The following MAML2 variants were observed in gnomAD, a reference collection of about 807,000 sequenced individuals.
MAML2 encodes the protein mastermind-like protein 2.
Under a neutral mutation model 96.1 loss-of-function variants are expected in MAML2, and 22 were observed. That is an observed-to-expected ratio of 0.23 (90% CI 0.16 to 0.33). MAML2 has a LOEUF of 0.33. MAML2 is among the 10% of genes least tolerant of loss of function. The pLI, the probability that MAML2 is intolerant of heterozygous loss-of-function variation, is 1.00. For missense variants in MAML2, 1,367 were observed against 1,392.4 expected, an observed-to-expected ratio of 0.98 and a Z score of 0.29; for synonymous variants, 561 against 521.3, an observed-to-expected ratio of 1.08 and a Z score of -1.04.
intron 1 of MAML2, among the ~76,000 whole-genome samples, chr11:96,236,117 T>G (rs1212400653): frequency 2.0e-5 from 3 of 152,232 alleles, no homozygotes; most frequent in African/African-American, 7.2e-5. Flanking sequence ...GAAACTTTCT[T>G]TTTTCAATAG....
chr11:96,264,703 A>G (rs1862802407), intron 1 of MAML2, among the ~76,000 whole-genome samples: 1 of 152,192 alleles, frequency 6.6e-6, no homozygotes, highest in Non-Finnish European at 1.5e-5. Context: ...AAGCATTACA[A>G]ATTGTACTAA....
At chr11:96,203,046 A>C (rs771887925) in intron 1 of MAML2, among the ~76,000 whole-genome samples, 12 of 152,238 alleles carry the variant, frequency 7.9e-5, no homozygotes, top group Non-Finnish European at 1.0e-4. Flanking sequence ...TTGCCTTTTA[A>C]AATCATTTAT....
intron 2 of MAML2, among the ~76,000 whole-genome samples, chr11:96,033,884 C>T (rs1858657784): frequency 6.6e-6 from 1 of 152,070 alleles, no homozygotes; most frequent in South Asian, 2.1e-4. Flanking sequence ...CGGCAGGTTT[C>T]CAATTGTGTT....
chr11:96,302,945 A>G (rs1863409586), intron 1 of MAML2, among the ~76,000 whole-genome samples: 1 of 152,224 alleles, frequency 6.6e-6, no homozygotes, highest in Non-Finnish European at 1.5e-5. Flanking sequence ...TACAGCGATT[A>G]TGATTATTTT....
intron 1 of MAML2, among the ~76,000 whole-genome samples, chr11:96,339,562 G>A (rs1333218209): frequency 1.3e-5 from 2 of 152,142 alleles, no homozygotes; most frequent in Non-Finnish European, 2.9e-5. Context: ...TTGACACCCC[G>A]GGCAGAGATC....
In MAML2 at chr11:95,977,430, A is replaced by G. The variant is rs1857665787; in HGVS notation, c.*1518T>C. 5.3e-6 allele frequency: 1 copy of G among 190,464 alleles called. No individual in the cohort carries two copies. The highest frequency in any genetic ancestry group is 1.1e-5 in the Non-Finnish European group (1 of 90,746). The allele number at this position is 190,464 out of a possible 1,614,324, so 11.8% of individuals were successfully genotyped here. On this transcript the variant is annotated 3_prime_UTR_variant, in exon 5 of 5. Coordinates refer to ENST00000524717, the MANE Select transcript of MAML2 (RefSeq NM_032427.4). Reference sequence around the variant, plus strand: ...TGGGAGACAGCTTTGCAGAATTTTCAAAGTGTGTTCTTTTTCTTTGAACAG... The same window carrying G: ...TGGGAGACAGCTTTGCAGAATTTTCGAAGTGTGTTCTTTTTCTTTGAACAG...
At chr11:96,103,867 T>G (rs931742209) in intron 1 of MAML2, among the ~76,000 whole-genome samples, 6 of 152,236 alleles carry the variant, frequency 3.9e-5, no homozygotes, top group Admixed American at 3.9e-4. Flanking sequence ...GCTACACTAC[T>G]TTTTTGTTTG....
intron 1 of MAML2, among the ~76,000 whole-genome samples, chr11:96,299,846 C>T (rs570063188): frequency 2.0e-5 from 3 of 152,272 alleles, no homozygotes; most frequent in South Asian, 2.1e-4. Flanking sequence ...GCTGACTACC[C>T]GTACTGAAAT....
intron 3 of MAML2, among the ~76,000 whole-genome samples, chr11:95,989,959 C>G (rs1857885101): frequency 6.6e-6 from 1 of 152,056 alleles, no homozygotes; most frequent in Non-Finnish European, 1.5e-5. Flanking sequence ...TCAAACTCAC[C>G]AACAAATTCA....
chr11:96,190,271 C>T (rs765271501), intron 1 of MAML2, among the ~76,000 whole-genome samples: 8 of 152,128 alleles, frequency 5.3e-5, no homozygotes, highest in Non-Finnish European at 1.2e-4. Context: ...CCCAACAGCC[C>T]TAGAAAGGAA....
chr11:96,148,942 T>C (rs972567494), intron 1 of MAML2, among the ~76,000 whole-genome samples: 2 of 152,202 alleles, frequency 1.3e-5, no homozygotes, highest in Non-Finnish European at 2.9e-5. Flanking sequence ...GATGTGAAAT[T>C]GATTTCTGAA....
At chr11:96,037,939 G>A (rs1447982613) in intron 2 of MAML2, among the ~76,000 whole-genome samples, 1 of 152,158 alleles carries the variant, frequency 6.6e-6, no homozygotes, top group African/African-American at 2.4e-5. Flanking sequence ...AATTAGGCAG[G>A]GTGGGGCTGT....
At chr11:96,026,551 C>T (rs1224009614) in intron 2 of MAML2, among the ~76,000 whole-genome samples, 1 of 152,130 alleles carries the variant, frequency 6.6e-6, no homozygotes, top group Admixed American at 6.5e-5. Flanking sequence ...TTGTCAGTAG[C>T]ATACAAGCAA....
intron 1 of MAML2, among the ~76,000 whole-genome samples, chr11:96,271,714 G>A (rs1015869217): frequency 2.1e-5 from 3 of 146,168 alleles, no homozygotes; most frequent in African/African-American, 7.8e-5. Context: ...TCAACTGTGA[G>A]TCAAATAAAC....
chr11:96,044,856 A>G (rs186976686), intron 2 of MAML2, among the ~76,000 whole-genome samples: 10 of 152,338 alleles, frequency 6.6e-5, no homozygotes, highest in African/African-American at 1.9e-4. Context: ...GTCTTCATCC[A>G]TTGTAATGAA....
intron 1 of MAML2, among the ~76,000 whole-genome samples, chr11:96,147,091 G>A (rs1860833483): frequency 6.6e-6 from 1 of 152,212 alleles, no homozygotes; most frequent in Non-Finnish European, 1.5e-5. Context: ...TCATTGTAGT[G>A]TACTTAGTAT....
At chr11:96,208,216 C>G (rs1861921458) in intron 1 of MAML2, among the ~76,000 whole-genome samples, 1 of 152,204 alleles carries the variant, frequency 6.6e-6, no homozygotes, top group African/African-American at 2.4e-5. Flanking sequence ...TAGACTCCTC[C>G]AATGGGGTTA....
chr11:96,147,286 A>G (rs1591039215), intron 1 of MAML2, among the ~76,000 whole-genome samples: 1 of 152,204 alleles, frequency 6.6e-6, no homozygotes, highest in South Asian at 2.1e-4. Context: ...ATATATTTAC[A>G]TGGCTTTAGA....
At chr11:96,283,158 T>C (rs1053006592) in intron 1 of MAML2, among the ~76,000 whole-genome samples, 1 of 152,162 alleles carries the variant, frequency 6.6e-6, no homozygotes, top group Non-Finnish European at 1.5e-5. Context: ...TAAACTAAAG[T>C]GATGTTAACT....
Sources: allele counts gnomAD v4.1 joint callset (sites outside exome capture counted in the v4.1 genomes callset), GRCh38; gene constraint gnomAD v4.1.1; transcripts MANE v1.5; gene names NCBI Gene and HGNC (gene_info 2026-07-23, HGNC 2026-07-21).